The following KSR2 variants were observed in gnomAD, a reference collection of about 807,000 sequenced individuals.
KSR2 encodes the protein kinase suppressor of ras 2.
Under a neutral mutation model 107.8 loss-of-function variants are expected in KSR2, and 25 were observed. The observed-to-expected ratio is 0.23, with a 90% CI of 0.17 to 0.32. KSR2 has a LOEUF of 0.32. Ranked by LOEUF, KSR2 falls within the 10% of genes least tolerant of loss-of-function variation. The pLI, the probability that KSR2 is intolerant of heterozygous loss-of-function variation, is 1.00. For synonymous variants in KSR2, 480 were observed against 507.0 expected (o/e 0.95, Z 0.71); for missense variants, 887 against 1,268.9 (o/e 0.70, Z 4.57).
chr12:117,584,582 C>T (rs747050562), intron 5 of KSR2, among the ~76,000 whole-genome samples: 10 of 152,266 alleles, frequency 6.6e-5, no homozygotes, highest in Non-Finnish European at 1.3e-4. Flanking sequence ...ATGTCTGCCA[C>T]GGGTGAAGAA....
intron 5 of KSR2, among the ~76,000 whole-genome samples, chr12:117,664,470 G>C (rs1045375266): frequency 6.6e-6 from 1 of 152,120 alleles, no homozygotes; most frequent in Non-Finnish European, 1.5e-5. Context: ...GGGCCCAAAA[G>C]CAGGGAGTTC....
At position 117,955,867 on chromosome 12, in the gene KSR2, G is replaced by T. The variant is rs190295175; in HGVS notation, c.180+12209C>A. On this transcript the variant is annotated intron_variant, in intron 1 of 19. Transcript: ENST00000339824. ...TAGCCTCAGGGGGTAAAAAAAAAAA[G>T]GAAAGTACATACAGGTGAAATTAAT... is the stretch of plus-strand genomic sequence containing the variant. Among the ~76,000 whole-genome samples, 146 of 138,418 alleles carry T rather than the reference G, an allele frequency of 1.1e-3. 1 individual carries two copies. The East Asian group carries it at 0.028, about 26-fold the overall frequency. 90.8% of individuals were successfully genotyped at this position (138,418 alleles called of 152,430 possible).
chr12:117,604,500 G>T (rs1285855650), intron 5 of KSR2, among the ~76,000 whole-genome samples: 1 of 152,110 alleles, frequency 6.6e-6, no homozygotes, highest in Non-Finnish European at 1.5e-5. Flanking sequence ...TTTCCACACG[G>T]TTTGCTACTC....
In KSR2 at chr12:117,724,312, CAAAAAAAA is replaced by C. The variant is rs57095721; in HGVS notation, c.986+36691_986+36698del. On this transcript the variant is annotated intron_variant, in intron 4 of 19. Transcript: ENST00000339824. ...AACAGGACAGAGTGACACCCTGTCTCAAAAAAAAAAAAAAAAAAGAAAAATAACATATA... is the reference window on the plus strand; with the variant it reads ...AACAGGACAGAGTGACACCCTGTCTCAAAAAAAAAAGAAAAATAACATATA... Among the ~76,000 whole-genome samples the C allele has an allele frequency of 5.4e-5, 6 of 111,906 alleles. No individual in the cohort carries two copies. The East Asian group carries it at 1.7e-3, about 32-fold the overall frequency. 73.4% of individuals were successfully genotyped at this position (111,906 alleles called of 152,430 possible).
rs1442137548 is a variant in KSR2, at chr12:117,458,792, TG to T, written c.*8406del. 6.6e-6 allele frequency: 1 copy of T among 152,214 alleles called. No homozygotes were observed. The highest frequency in any genetic ancestry group is 2.4e-5 in the African/African-American group (1 of 41,464). The allele number at this position is 152,214 out of a possible 1,614,324, so 9.4% of individuals were successfully genotyped here. A position where few individuals can be genotyped will look rare whatever the true frequency, so the allele number is the denominator to read the frequency against. ...TCCACTAGGACCTCAAGATCTTATCTGGGTGGAAACTTGATTTTGAGCCTTC... is the reference window on the plus strand; with the variant it reads ...TCCACTAGGACCTCAAGATCTTATCTGGTGGAAACTTGATTTTGAGCCTTC... On this transcript the variant is annotated 3_prime_UTR_variant, in exon 20 of 20. Transcript: ENST00000339824.
intron 4 of KSR2, among the ~76,000 whole-genome samples, chr12:117,704,667 A>G (rs1886451265): frequency 6.6e-6 from 1 of 152,080 alleles, no homozygotes; most frequent in Non-Finnish European, 1.5e-5. Flanking sequence ...AGGCCAGCCT[A>G]GCCAACACAG....
chr12:117,802,338 C>T (rs1359625372), intron 3 of KSR2, among the ~76,000 whole-genome samples: 1 of 152,146 alleles, frequency 6.6e-6, no homozygotes, highest in African/African-American at 2.4e-5. Context: ...ACGGCTAGAT[C>T]ATCCATGATA....
chr12:117,645,816 G>A (rs555658966), intron 5 of KSR2, among the ~76,000 whole-genome samples: 3 of 151,666 alleles, frequency 2.0e-5, no homozygotes, highest in African/African-American at 7.3e-5. Flanking sequence ...TTACAATTCC[G>A]AATACAGCAC....
chr12:117,826,013 G>A lies in KSR2; in HGVS notation c.472+29415C>T, dbSNP rs554393860. On this transcript the variant is annotated intron_variant, in intron 3 of 19. Transcript: ENST00000339824. ...TGGGTGGATGGGTGGGTGGATGGATGGATGCATGGAGGGATGGATGGATGG... is the reference window on the plus strand; with the variant it reads ...TGGGTGGATGGGTGGGTGGATGGATAGATGCATGGAGGGATGGATGGATGG... Among the ~76,000 whole-genome samples the A allele has an allele frequency of 2.6e-5, 4 of 151,508 alleles. No homozygotes were observed. In the South Asian group the frequency reaches 8.4e-4, roughly 32 times the overall value.
At chr12:117,497,148 G>C (rs1873078205) in intron 14 of KSR2, among the ~76,000 whole-genome samples, 1 of 152,054 alleles carries the variant, frequency 6.6e-6, no homozygotes, top group African/African-American at 2.4e-5. Context: ...GAAGTGCTAG[G>C]ATTATAGGCA....
chr12:117,834,274 A>G (rs1892107608), intron 3 of KSR2, among the ~76,000 whole-genome samples: 1 of 152,096 alleles, frequency 6.6e-6, no homozygotes, highest in Non-Finnish European at 1.5e-5. Context: ...AGTGGTACAA[A>G]GATCAAAGGA....
Position 117,458,383 on chromosome 12 carries a change from C to G in KSR2, c.*8816G>C, listed in dbSNP as rs1870724720. 1 of 149,440 alleles carries G rather than the reference C, an allele frequency of 6.7e-6. No individual in the cohort carries two copies. Among genetic ancestry groups the G allele is most frequent in the Non-Finnish European group, 1.5e-5 (1 of 67,658 alleles). 9.3% of individuals were successfully genotyped at this position (149,440 alleles called of 1,614,324 possible). On this transcript the variant is annotated 3_prime_UTR_variant, in exon 20 of 20. Coordinates refer to ENST00000339824, the MANE Select transcript of KSR2 (RefSeq NM_173598.6). ...TGCTGGAGGTCAGGGTATTTTTAAA[C>G]TAGAAGAACTAGCCAAGCTGGTTTT...
intron 5 of KSR2, among the ~76,000 whole-genome samples, chr12:117,607,647 G>GA: frequency 2.8e-5 from 4 of 141,510 alleles, no homozygotes; most frequent in Non-Finnish European, 3.1e-5. Flanking sequence ...TCCCGGAGAG[G>GA]GGAGGAAAGG....
chr12:117,717,331 G>A (rs1887023574), intron 4 of KSR2, among the ~76,000 whole-genome samples: 1 of 152,072 alleles, frequency 6.6e-6, no homozygotes, highest in Non-Finnish European at 1.5e-5. Flanking sequence ...GACCAGCCTG[G>A]GCCACATAGT....
chr12:117,553,008 T>C (rs1260364342), intron 9 of KSR2, among the ~76,000 whole-genome samples: 1 of 152,238 alleles, frequency 6.6e-6, no homozygotes, highest in Non-Finnish European at 1.5e-5. Context: ...AAAAGGATGA[T>C]TGTCGTACGC....
At chr12:117,918,255 C>T (rs1285048345) in intron 1 of KSR2, among the ~76,000 whole-genome samples, 1 of 152,208 alleles carries the variant, frequency 6.6e-6, no homozygotes, top group Non-Finnish European at 1.5e-5. Flanking sequence ...CTAAACCCAA[C>T]ATGGTGTTTG....
intron 16 of KSR2, among the ~76,000 whole-genome samples, chr12:117,483,321 T>C (rs1872276414): frequency 6.6e-6 from 1 of 151,982 alleles, no homozygotes; most frequent in African/African-American, 2.4e-5. Flanking sequence ...AGGTGTCATA[T>C]AACACAAACA....
rs574163843 is a variant in KSR2, at chr12:117,805,607, G to A, written c.473-44083C>T. 9.4e-3 allele frequency among the ~76,000 whole-genome samples: 1,424 copies of A among 152,280 alleles called. 24 individuals carry two copies. Among genetic ancestry groups the A allele is most frequent in the African/African-American group, 0.032 (1,311 of 41,556 alleles). On this transcript the variant is annotated intron_variant, in intron 3 of 19. Coordinates refer to ENST00000339824, the MANE Select transcript of KSR2 (RefSeq NM_173598.6). The stretch of plus-strand genomic sequence containing the variant: ...CTCTGAACCTGAATTTGCACCGTGA[G>A]GATTTGCTCATATTTTAGACCCTGG...
At chr12:117,554,354 G>C (rs1877513165) in intron 9 of KSR2, among the ~76,000 whole-genome samples, 1 of 152,122 alleles carries the variant, frequency 6.6e-6, no homozygotes, top group Non-Finnish European at 1.5e-5. Flanking sequence ...GGCCCCCAAA[G>C]AAAACCCACC....
Sources: allele counts gnomAD v4.1 joint callset (sites outside exome capture counted in the v4.1 genomes callset), GRCh38; gene constraint gnomAD v4.1.1; transcripts MANE v1.5; gene names NCBI Gene and HGNC (gene_info 2026-07-23, HGNC 2026-07-21).